ARRB2: variants seen among roughly 807,000 people sequenced by gnomAD.
ARRB2 encodes the protein arrestin beta 2.
Under a neutral mutation model 53.4 loss-of-function variants are expected in ARRB2, and 21 were observed. The ratio of observed to expected loss-of-function variants is 0.39; its 90% CI spans 0.28 to 0.57. The LOEUF (loss-of-function observed/expected upper bound fraction) is 0.57, where lower values mean the gene tolerates loss of function less well. Among genes scored for constraint, ARRB2 ranks in the 20% least tolerant of loss-of-function variants. ARRB2 has a pLI of 0.55. For missense variants in ARRB2, 369 were observed against 527.5 expected (o/e 0.70, Z 2.94); for synonymous variants, 180 against 212.9 (o/e 0.85, Z 1.34).
intron 1 of ARRB2, chr17:4,714,588 T>G (rs911435067): frequency 1.7e-5 from 4 of 235,514 alleles, no homozygotes; most frequent in Non-Finnish European, 3.2e-5. Flanking sequence ...ACGTTAGAAA[T>G]AGGAAGGACC....
chr17:4,720,563 A>AC, intron 13 of ARRB2, 23 bp from the exon 14 acceptor site: 2 of 1,314,622 alleles, frequency 1.5e-6, no homozygotes, highest in South Asian at 1.4e-5. Flanking sequence ...CCACCCCCAC[A>AC]CCCCCTCTTC....
intron 5 of ARRB2, chr17:4,716,811 A>C: frequency 1.1e-6 from 1 of 907,576 alleles, no homozygotes. Flanking sequence ...TTCCCTTCTC[A>C]TCCCCAGGAG....
At chr17:4,715,200 C>A (rs778735581) in intron 2 of ARRB2, 157 bp downstream of exon 2, 2 of 873,066 alleles carry the variant, frequency 2.3e-6, no homozygotes, top group Non-Finnish European at 3.4e-6. Flanking sequence ...CCTCCTGAAG[C>A]CCCTTGCCGC....
chr17:4,716,337 G>A lies in ARRB2; in HGVS notation c.161-75G>A, dbSNP rs559215467. 5 of 1,609,528 alleles carry A rather than the reference G, an allele frequency of 3.1e-6. No homozygotes were observed. The East Asian group carries it at 8.9e-5, about 29-fold the overall frequency. On this transcript the variant is annotated intron_variant, in intron 4 of 14. Transcript: ENST00000269260. ...AGGCAAGTCTTATGCTGCTGAGGGA[G>A]GAGCAGCGGCTGCTAGGTGCCAGGG...
rs35317009 is a variant in ARRB2, at chr17:4,718,220, GA to G, written c.622-37del. On this transcript the variant is annotated intron_variant, in intron 8 of 14. Transcript: ENST00000269260. The stretch of plus-strand genomic sequence containing the variant: ...GGGACACACTGATGATGGGAACAGT[GA>G]AAACCAGTTCCAATTCACATGACCC... 1,132 of 1,582,128 alleles carry G rather than the reference GA, an allele frequency of 7.2e-4. 6 individuals are homozygous for G. In the African/African-American group the frequency reaches 0.01, roughly 15 times the overall value.
chr17:4,717,163 G>A lies in ARRB2; in HGVS notation c.358-54G>A, dbSNP rs1915158598. The A allele has an allele frequency of 1.3e-6, 2 of 1,581,350 alleles. No homozygotes were observed. The highest frequency in any genetic ancestry group is 1.7e-6 in the Non-Finnish European group (2 of 1,150,422). On this transcript the variant is annotated intron_variant, in intron 5 of 14. Coordinates refer to ENST00000269260, the MANE Select transcript of ARRB2 (RefSeq NM_004313.4). The surrounding 1 kb of genome is among the most constrained non-coding windows in gnomAD (Gnocchi z 6.0). ...CAGCCTCTTAGGTTGAGATTTGGAG[G>A]AAGATCTGGGGGCTTTCTGGAAGAA...
chr17:4,715,492 C>CACAG, intron 2 of ARRB2: 1 of 172,892 alleles, frequency 5.8e-6, no homozygotes, highest in African/African-American at 3.0e-5. Flanking sequence ...CACAGACACA[C>CACAG]ACACACATAC....
chr17:4,712,495 A>G (rs1162880942), intron 1 of ARRB2, among the ~76,000 whole-genome samples: 1 of 152,220 alleles, frequency 6.6e-6, no homozygotes, highest in Admixed American at 6.5e-5. Flanking sequence ...CACTGTGGTA[A>G]CCTGCCCATT....
rs1473446240 is a variant in ARRB2, at chr17:4,716,195, C to G, written c.160+4C>G. 1 of 1,614,012 alleles carries G rather than the reference C, an allele frequency of 6.2e-7. No homozygotes were observed. Among genetic ancestry groups the G allele is most frequent in the Non-Finnish European group, 8.5e-7 (1 of 1,179,996 alleles). ...GACTACCTGAAGGACCGCAAAGGTA[C>G]TGGCCCCAAGTCCAGGGGGCCCAGG... On this transcript the variant is annotated splice_donor_region_variant and intron_variant, in intron 4 of 14. Transcript: ENST00000269260.
intron 1 of ARRB2, among the ~76,000 whole-genome samples, chr17:4,711,010 G>A (rs1236782101): frequency 6.6e-6 from 1 of 152,068 alleles, no homozygotes; most frequent in Non-Finnish European, 1.5e-5. Flanking sequence ...AGACTACTGG[G>A]CTCTCCCGTG....
chr17:4,716,565 T>C lies in ARRB2; in HGVS notation c.314T>C (p.Leu105Pro). ...PRPPTRLQDR[L>P]LRKLGQHAHP... ...CCCCCCACCCGCCTGCAGGACCGGC[T>C]GCTGAGGAAGCTGGGCCAGCATGCC... The change falls in exon 5 of 15, where the codon CTG becomes CCG. Residue 105 changes from leucine (L) to proline (P), a missense_variant. By Grantham distance (98) the Leu-to-Pro change is moderately conservative (BLOSUM62 -3). Coordinates refer to ENST00000269260, the MANE Select transcript of ARRB2 (RefSeq NM_004313.4). The C allele has an allele frequency of 7.4e-7, 1 of 1,352,156 alleles. No individual in the cohort carries two copies. The highest frequency in any genetic ancestry group is 9.8e-7 in the Non-Finnish European group (1 of 1,016,856). The allele number at this position is 1,352,156 out of a possible 1,614,324, so 83.8% of individuals were successfully genotyped here.
At position 4,719,398 on chromosome 17, in the gene ARRB2, A is replaced by G; in HGVS notation, c.895A>G (p.Thr299Ala). ...GGATGGGAAACTCAAGCACGAGGAC[A>G]CCAACCTGGCTTCCAGCACCATGTG... ...ALDGKLKHED[T>A]NLASSTIVKE... The change falls in exon 11 of 15, where the codon ACC becomes GCC. Residue 299 changes from threonine (T) to alanine (A), a missense_variant. Thr to Ala is a moderately conservative substitution (Grantham distance 58). Transcript: ENST00000269260. 1 of 1,614,076 alleles carries G rather than the reference A, an allele frequency of 6.2e-7. No individual in the cohort carries two copies. Among genetic ancestry groups the G allele is most frequent in the Non-Finnish European group, 8.5e-7 (1 of 1,179,988 alleles).
rs200422233 is a variant in ARRB2 at position 4,715,085 on chromosome 17, C to T, written c.54+42C>T. On this transcript the variant is annotated intron_variant, in intron 2 of 14. Transcript: ENST00000269260. ...CTTACCCTTTTGACCCTCCCTGGGC[C>T]CCAACAAAGCCCAGCCTTCCCCTAG... 214 of 1,588,374 alleles carry T rather than the reference C, an allele frequency of 1.3e-4. 3 individuals are homozygous for T. In the Middle Eastern group the frequency reaches 4.2e-3, roughly 31 times the overall value.
chr17:4,719,381 A>G lies in ARRB2; in HGVS notation c.878A>G (p.Lys293Arg). Residue 293 changes from lysine to arginine, a missense_variant, in exon 11 of 15, where the codon AAA becomes AGA. Coordinates refer to ENST00000269260, the MANE Select transcript of ARRB2 (RefSeq NM_004313.4). ...REKRGLALDG[K>R]LKHEDTNLAS... ...AAGCGGGGTCTCGCCCTGGATGGGA[A>G]ACTCAAGCACGAGGACACCAACCTG... 6.2e-7 allele frequency: 1 copy of G among 1,614,200 alleles called. No individual in the cohort carries two copies. Among genetic ancestry groups the G allele is most frequent in the Non-Finnish European group, 8.5e-7 (1 of 1,180,028 alleles).
In ARRB2 at chr17:4,717,993, C is replaced by A. The variant is rs1188059889; in HGVS notation, c.591C>A (p.Ser197=). 6.2e-7 allele frequency: 1 copy of A among 1,613,604 alleles called. No homozygotes were observed. The highest frequency in any genetic ancestry group is 1.1e-5 in the South Asian group (1 of 91,080). ...GCCACTTCCTCATGTCTGACCGGTC[C>A]CTGCACCTCGAGGCTTCCCTGGACA... ...TTRHFLMSDR[S]LHLEASLDKE... is the part of the protein sequence containing the mutation. Residue 197 remains serine, a synonymous_variant, in exon 8 of 15, where the codon TCC becomes TCA. Coordinates refer to ENST00000269260, the MANE Select transcript of ARRB2 (RefSeq NM_004313.4). The surrounding 1 kb of genome is among the most constrained non-coding windows in gnomAD (Gnocchi z 6.0).
In ARRB2 at chr17:4,716,608, C is replaced by A. The variant is rs200424489; in HGVS notation, c.357C>A (p.Thr119=). ...LGQHAHPFFF[T]IPQNLPCSVT... ...AGCATGCCCACCCCTTCTTCTTCACCGTGAGGATGCCCCTGCCCTCTGAGG... is the reference window on the plus strand; with the variant it reads ...AGCATGCCCACCCCTTCTTCTTCACAGTGAGGATGCCCCTGCCCTCTGAGG... The change falls in exon 5 of 15, where the codon ACC becomes ACA. Residue 119 remains threonine, a splice_region_variant and synonymous_variant. Coordinates refer to ENST00000269260, the MANE Select transcript of ARRB2 (RefSeq NM_004313.4). 1.5e-3 allele frequency: 2,419 copies of A among 1,561,666 alleles called. 15 individuals carry two copies. The highest frequency in any genetic ancestry group is 4.6e-3 in the Middle Eastern group (26 of 5,606).
In ARRB2 at chr17:4,720,469, T is replaced by C. The variant is rs1324158770; in HGVS notation, c.1078T>C (p.Ser360Pro). The C allele has an allele frequency of 6.2e-7, 1 of 1,611,066 alleles. No individual in the cohort carries two copies. The highest frequency in any genetic ancestry group is 2.2e-5 in the East Asian group (1 of 44,782). ...HDHIPLPRPQ[S>P]AAPETDVPVD... ...CCACATCCCCCTCCCCAGACCCCAG[T>C]CAGGTGAGCACACTACCCACCCCAA... Residue 360 changes from serine (S) to proline (P), a missense_variant, in exon 13 of 15, where the codon TCA becomes CCA. Transcript: ENST00000269260.
At chr17:4,720,360 C>T (rs781060825) in intron 12 of ARRB2, 33 bp from the exon 13 acceptor site, 8 of 1,613,666 alleles carry the variant, frequency 5.0e-6, no homozygotes, top group East Asian at 2.2e-5. Context: ...CCCATGTCGT[C>T]GTCCTCTTCA....
Position 4,720,158 on chromosome 17 carries a change from G to A in ARRB2, c.918-58G>A, listed in dbSNP as rs374904949. 122 of 1,544,150 alleles carry A rather than the reference G, an allele frequency of 7.9e-5. 1 individual carries two copies. The African/African-American group carries it at 1.1e-3, about 14-fold the overall frequency. ...CCCAGAGTCCCCGTGGGAACCCCAC[G>A]GTGGGCCAGGTGACAGGGTGATAGG... On this transcript the variant is annotated intron_variant, in intron 11 of 14. Coordinates refer to ENST00000269260, the MANE Select transcript of ARRB2 (RefSeq NM_004313.4).
Sources: gnomAD v4.1 joint callset for allele counts (sites outside exome capture counted in the v4.1 genomes callset) on GRCh38, gnomAD v4.1.1 for gene constraint, Gnocchi (gnomAD v3.1) non-coding constraint, MANE v1.5 for transcripts, NCBI Gene and HGNC (gene_info 2026-07-23, HGNC 2026-07-21) for gene names.